The following FAM171B variants were observed in gnomAD, a reference collection of about 807,000 sequenced individuals.
FAM171B encodes the protein protein FAM171B.
FAM171B carries 19 observed loss-of-function variants against 75.6 expected under a neutral mutation model. That is an observed-to-expected ratio of 0.25 (90% CI 0.18 to 0.37). FAM171B has a LOEUF of 0.37. FAM171B is among the 10% of genes least tolerant of loss of function. The pLI is 1.00. For synonymous variants in FAM171B, 367 were observed against 361.7 expected (o/e 1.01, Z -0.17); for missense variants, 848 against 982.4 (o/e 0.86, Z 1.83).
intron 2 of FAM171B, 116 bp from the exon 3 acceptor site, chr2:186,743,367 G>A (rs1201738025): frequency 4.8e-6 from 3 of 622,138 alleles, no homozygotes; most frequent in Non-Finnish European, 2.9e-6. Flanking sequence ...TTCCCATCAA[G>A]CATTTGTTCC....
intron 1 of FAM171B, among the ~76,000 whole-genome samples, chr2:186,708,159 A>C (rs1689759184): frequency 1.3e-5 from 2 of 152,160 alleles, no homozygotes; most frequent in Admixed American, 1.3e-4. Context: ...CAGAGTATAT[A>C]ACAAAAGGAT....
chr2:186,735,839 C>T (rs1004347060), intron 1 of FAM171B, among the ~76,000 whole-genome samples: 12 of 152,098 alleles, frequency 7.9e-5, no homozygotes, highest in Non-Finnish European at 1.5e-4. Flanking sequence ...ATTTATGATA[C>T]GATGGAAAAA....
At position 186,762,618 on chromosome 2, in the gene FAM171B, C is replaced by G. The variant is rs1387174268; in HGVS notation, c.2276C>G (p.Ala759Gly). 1.2e-6 allele frequency: 2 copies of G among 1,613,382 alleles called. No homozygotes were observed. Among genetic ancestry groups the G allele is most frequent in the Admixed American group, 3.3e-5 (2 of 59,862 alleles). Residue 759 changes from alanine to glycine, a missense_variant, in exon 8 of 8, where the codon GCT (alanine) becomes GGT (glycine). Transcript: ENST00000304698. The surrounding 1 kb of genome is among the most constrained non-coding windows in gnomAD (Gnocchi z 4.0). ...GTTVCSPEDP[A>G]LRHILDGGSG... is the part of the protein sequence containing the mutation. The stretch of plus-strand genomic sequence containing the variant: ...ACCGTCTGTTCCCCTGAGGACCCAG[C>G]TTTAAGGCACATCCTAGATGGAGGG...
chr2:186,751,369 T>C, intron 5 of FAM171B, 65 bp downstream of exon 5: 2 of 1,376,148 alleles, frequency 1.5e-6, no homozygotes, highest in South Asian at 3.8e-5. Flanking sequence ...AGCTGGATGT[T>C]TTATCTTAGA....
chr2:186,740,135 A>G (rs1187739615), intron 1 of FAM171B, 93 bp from the exon 2 acceptor site: 4 of 800,140 alleles, frequency 5.0e-6, no homozygotes, highest in East Asian at 2.6e-5. Flanking sequence ...ACAGTTTTGT[A>G]CTGTTATTTA....
intron 1 of FAM171B, among the ~76,000 whole-genome samples, chr2:186,736,279 G>A (rs1053176470): frequency 1.3e-5 from 2 of 152,162 alleles, no homozygotes; most frequent in South Asian, 2.1e-4. Context: ...GATGAGAGAT[G>A]TCCTGAGTTT....
chr2:186,703,163 T>C (rs1431595699), intron 1 of FAM171B, among the ~76,000 whole-genome samples: 1 of 151,966 alleles, frequency 6.6e-6, no homozygotes, highest in Non-Finnish European at 1.5e-5. Context: ...CACTGCAACC[T>C]CTGCCTCCTG....
chr2:186,755,121 T>C (rs764298090), intron 6 of FAM171B, among the ~76,000 whole-genome samples: 9 of 152,180 alleles, frequency 5.9e-5, no homozygotes, highest in Non-Finnish European at 1.2e-4. Context: ...TTCCTCAAAA[T>C]ATTCAAACAT....
intron 1 of FAM171B, among the ~76,000 whole-genome samples, chr2:186,719,366 A>G (rs1689918134): frequency 6.6e-6 from 1 of 152,264 alleles, no homozygotes; most frequent in African/African-American, 2.4e-5. Flanking sequence ...TAAAAGGGAA[A>G]AATGGATATT....
intron 1 of FAM171B, among the ~76,000 whole-genome samples, chr2:186,716,513 C>T (rs995009952): frequency 5.1e-4 from 78 of 152,188 alleles, no homozygotes; most frequent in Admixed American, 4.2e-3. Flanking sequence ...AAGGACTTTC[C>T]TTATTGATAT....
chr2:186,751,800 T>G (rs2105790096), intron 5 of FAM171B, among the ~76,000 whole-genome samples: 1 of 152,306 alleles, frequency 6.6e-6, no homozygotes, highest in South Asian at 2.1e-4. Flanking sequence ...ATATGTATAT[T>G]TTCATCCTCA....
At chr2:186,708,032 CT>C (rs1689757336) in intron 1 of FAM171B, among the ~76,000 whole-genome samples, 1 of 151,750 alleles carries the variant, frequency 6.6e-6, no homozygotes, top group Non-Finnish European at 1.5e-5. Context: ...AATTGCTTTG[CT>C]TGGGGCTATA....
intron 1 of FAM171B, among the ~76,000 whole-genome samples, chr2:186,725,362 T>A (rs1306070648): frequency 2.7e-5 from 4 of 147,522 alleles, no homozygotes; most frequent in Admixed American, 2.0e-4. Flanking sequence ...AAAAAAAGAA[T>A]TTTACTTTCT....
chr2:186,709,078 A>G (rs1689773048), intron 1 of FAM171B, among the ~76,000 whole-genome samples: 1 of 152,116 alleles, frequency 6.6e-6, no homozygotes, highest in African/African-American at 2.4e-5. Flanking sequence ...CTCATCACAC[A>G]GAGAAAGAAG....
At chr2:186,720,219 G>A (rs940892693) in intron 1 of FAM171B, among the ~76,000 whole-genome samples, 1 of 152,180 alleles carries the variant, frequency 6.6e-6, no homozygotes, top group African/African-American at 2.4e-5. Flanking sequence ...TGTATTTTTA[G>A]AAGAGATGGG....
At chr2:186,711,757 A>G (rs1689812231) in intron 1 of FAM171B, among the ~76,000 whole-genome samples, 1 of 152,174 alleles carries the variant, frequency 6.6e-6, no homozygotes, top group Non-Finnish European at 1.5e-5. Flanking sequence ...ACTTCAAGCA[A>G]ATTTTAAATC....
chr2:186,756,499 C>T (rs114860748), intron 6 of FAM171B, among the ~76,000 whole-genome samples: 4,062 of 152,226 alleles, frequency 0.027, 83 homozygotes, highest in Non-Finnish European at 0.043. Context: ...CAGAAATTTA[C>T]GTTTTCACAG....
chr2:186,723,847 T>G (rs1559085058), intron 1 of FAM171B, among the ~76,000 whole-genome samples: 1 of 152,202 alleles, frequency 6.6e-6, no homozygotes, highest in Non-Finnish European at 1.5e-5. Context: ...TCCTTGCAAT[T>G]ATTAAGTGGT....
chr2:186,747,275 T>A, intron 4 of FAM171B, 25 bp downstream of exon 4: 1 of 1,484,542 alleles, frequency 6.7e-7, no homozygotes, highest in Non-Finnish European at 9.0e-7. Flanking sequence ...TTGTATAATA[T>A]AGTTATAAGA....
Sources: gnomAD v4.1 joint callset for allele counts (sites outside exome capture counted in the v4.1 genomes callset) on GRCh38, gnomAD v4.1.1 for gene constraint, Gnocchi (gnomAD v3.1) non-coding constraint, MANE v1.5 for transcripts, NCBI Gene and HGNC (gene_info 2026-07-23, HGNC 2026-07-21) for gene names.